ZNF236: variants seen among roughly 807,000 people sequenced by gnomAD.
ZNF236 encodes the protein regulated by glucose.
In ZNF236, 50 loss-of-function variants were observed where a neutral mutation model predicts 191.2. That is an observed-to-expected ratio of 0.26 (90% CI 0.21 to 0.33). The LOEUF (loss-of-function observed/expected upper bound fraction) is 0.33, where lower values mean the gene tolerates loss of function less well. Among genes scored for constraint, ZNF236 ranks in the 10% least tolerant of loss-of-function variants. The probability of loss-of-function intolerance (pLI) is 1.00; values close to 1 mark genes in which losing one functional copy is unlikely to be tolerated. For synonymous variants in ZNF236, 907 were observed against 928.8 expected (o/e 0.98, Z 0.43); for missense variants, 1,754 against 2,374.5 (o/e 0.74, Z 5.43).
chr18:76,863,269 G>A (rs1001805711), intron 3 of ZNF236, among the ~76,000 whole-genome samples: 2 of 152,086 alleles, frequency 1.3e-5, no homozygotes, highest in Admixed American at 6.5e-5. Context: ...GAAAGAGTGT[G>A]GGGCTGGAAA....
At chr18:76,873,507 G>C (rs1452165015) in intron 5 of ZNF236, among the ~76,000 whole-genome samples, 1 of 152,204 alleles carries the variant, frequency 6.6e-6, no homozygotes, top group African/African-American at 2.4e-5. Context: ...GGTTTAAACA[G>C]GAGGCTGGCG....
intron 6 of ZNF236, among the ~76,000 whole-genome samples, chr18:76,877,634 G>A (rs1976754076): frequency 6.6e-6 from 1 of 152,160 alleles, no homozygotes; most frequent in South Asian, 2.1e-4. Flanking sequence ...GGTGTAATAT[G>A]TATTTATATA....
chr18:76,924,783 G>T (rs1967630098), intron 21 of ZNF236, among the ~76,000 whole-genome samples: 1 of 152,190 alleles, frequency 6.6e-6, no homozygotes, highest in African/African-American at 2.4e-5. Flanking sequence ...TGGCAGAAGA[G>T]AAGATAGAGA....
chr18:76,881,919 C>T (rs1976913734), intron 9 of ZNF236, among the ~76,000 whole-genome samples: 1 of 152,174 alleles, frequency 6.6e-6, no homozygotes, highest in Non-Finnish European at 1.5e-5. Context: ...TTTTAGTAGC[C>T]TCTGACTAGT....
Position 76,937,103 on chromosome 18 carries a change from A to G in ZNF236, c.4595-53A>G, listed in dbSNP as rs1384396469. The G allele has an allele frequency of 3.8e-6, 6 of 1,567,400 alleles. No individual in the cohort carries two copies. In the Admixed American group the frequency reaches 5.1e-5, roughly 13 times the overall value. ...AGCATCGCTCTCCCTATGCCCTTAC[A>G]CCTGGACTTGTCTGGCCTTCCCATT... On this transcript the variant is annotated intron_variant, in intron 25 of 30. Transcript: ENST00000320610.
chr18:76,822,808 A>G (rs1432153601), intron 1 of ZNF236, 146 bp downstream of exon 1: 1 of 144,544 alleles, frequency 6.9e-6, no homozygotes, highest in Admixed American at 6.8e-5. Context: ...GCCGCCGCCG[A>G]CTGGCCGGGC....
intron 2 of ZNF236, among the ~76,000 whole-genome samples, chr18:76,850,076 A>C (rs951196046): frequency 1.3e-5 from 2 of 152,162 alleles, no homozygotes; most frequent in Non-Finnish European, 2.9e-5. Flanking sequence ...GTTGTGTTTC[A>C]GGAGGGAGCA....
At chr18:76,916,703 T>C (rs13339739) in intron 19 of ZNF236, among the ~76,000 whole-genome samples, 4,764 of 152,330 alleles carry the variant, frequency 0.031, 242 homozygotes, top group African/African-American at 0.11. Context: ...CCGTGTGTGT[T>C]CTGACACTCT....
intron 10 of ZNF236, among the ~76,000 whole-genome samples, chr18:76,896,723 A>G (rs1977428986): frequency 1.3e-5 from 2 of 151,930 alleles, no homozygotes. Flanking sequence ...CACTGCCCAC[A>G]GGGACCACAC....
chr18:76,845,746 G>C (rs1461553008), intron 1 of ZNF236, among the ~76,000 whole-genome samples: 1 of 152,112 alleles, frequency 6.6e-6, no homozygotes, highest in Admixed American at 6.5e-5. Flanking sequence ...CTACTTGGGA[G>C]GCTGAGGCAG....
At chr18:76,959,905 C>G (rs140646443) in intron 29 of ZNF236, 89 bp downstream of exon 29, 1 of 1,428,974 alleles carries the variant, frequency 7.0e-7, no homozygotes, top group Admixed American at 2.0e-5. Flanking sequence ...GCAATATTCA[C>G]GAGCGATGGA....
chr18:76,852,525 G>A (rs1418556540), intron 3 of ZNF236, among the ~76,000 whole-genome samples: 1 of 152,042 alleles, frequency 6.6e-6, no homozygotes, highest in African/African-American at 2.4e-5. Flanking sequence ...CCTTCGTCAG[G>A]TGCAGTGGCT....
chr18:76,867,509 T>C (rs1026683004), intron 3 of ZNF236, among the ~76,000 whole-genome samples: 18 of 152,214 alleles, frequency 1.2e-4, no homozygotes, highest in Admixed American at 3.3e-4. Context: ...GACTAGTATA[T>C]GCAGATCAGA....
At chr18:76,922,103 T>C (rs1197618103) in intron 20 of ZNF236, among the ~76,000 whole-genome samples, 1 of 152,256 alleles carries the variant, frequency 6.6e-6, no homozygotes, top group Non-Finnish European at 1.5e-5. Flanking sequence ...TCAGTATCTA[T>C]AAACCTATTT....
rs748622379 is a variant in ZNF236 at position 76,851,844 on chromosome 18, C to A, written c.268C>A (p.His90Asn). ...CAACCTGACACTTCATAAATGCACC[C>A]ACAGCGGGGAAGATCCTACCTGCCC... ...EFNLTLHKCT[H>N]SGEDPTCPVC... Residue 90 changes from histidine (H) to asparagine (N), a missense_variant, in exon 3 of 31, where the codon CAC (histidine) becomes AAC (asparagine). Around this residue, in one of 5 missense-constraint regions of ZNF236, gnomAD observed 336 missense variants for 495.1 expected, o/e 0.68. Transcript: ENST00000320610. 8.1e-6 allele frequency: 13 copies of A among 1,613,912 alleles called. No homozygotes were observed. Among genetic ancestry groups the A allele is most frequent in the Non-Finnish European group, 2.5e-6 (3 of 1,179,966 alleles).
chr18:76,908,665 T>C, intron 14 of ZNF236, 92 bp downstream of exon 14: 2 of 1,482,850 alleles, frequency 1.3e-6, no homozygotes, highest in South Asian at 2.6e-5. Context: ...CTCCCATCAC[T>C]GACTTTTAAA....
At chr18:76,903,636 T>G (rs1473139765) in intron 11 of ZNF236, among the ~76,000 whole-genome samples, 1 of 152,132 alleles carries the variant, frequency 6.6e-6, no homozygotes, top group African/African-American at 2.4e-5. Flanking sequence ...GAGGACTGAC[T>G]GCGTGTGTCA....
At position 76,895,146 on chromosome 18, in the gene ZNF236, C is replaced by T; in HGVS notation, c.1551C>T (p.Cys517=). ...AGAAGCCCTTCAAGTGCCCGCAGTG[C>T]TTCCGCGCCTTCGCCGTGAAGAGCA... ...THEKPFKCPQ[C]FRAFAVKSTL... is the part of the protein sequence containing the mutation. The change falls in exon 10 of 31, where the codon TGC becomes TGT. Residue 517 remains cysteine (C), a synonymous_variant. Coordinates refer to ENST00000320610, the MANE Select transcript of ZNF236 (RefSeq NM_001306089.2). 1 of 1,609,492 alleles carries T rather than the reference C, an allele frequency of 6.2e-7. No homozygotes were observed. The highest frequency in any genetic ancestry group is 1.1e-5 in the South Asian group (1 of 91,092).
At chr18:76,869,666 C>T (rs569730351) in intron 4 of ZNF236, among the ~76,000 whole-genome samples, 21 of 152,244 alleles carry the variant, frequency 1.4e-4, no homozygotes, top group Non-Finnish European at 2.5e-4. Flanking sequence ...CTCTAAAAGG[C>T]AATATTGGGC....
Sources: gnomAD v4.1 joint callset for allele counts (sites outside exome capture counted in the v4.1 genomes callset) on GRCh38, gnomAD v4.1.1 for gene constraint, gnomAD v4.1.1 regional missense constraint, MANE v1.5 for transcripts, NCBI Gene and HGNC (gene_info 2026-07-23, HGNC 2026-07-21) for gene names.